CELF2: variants seen among roughly 807,000 people sequenced by gnomAD.
CELF2 encodes the protein CUGBP Elav-like family member 2, also known as CUG triplet repeat RNA-binding protein 2.
A neutral mutation model predicts 62.6 loss-of-function variants in CELF2; 8 were observed. The observed-to-expected ratio is 0.13, with a 90% CI of 0.07 to 0.23. The LOEUF (loss-of-function observed/expected upper bound fraction) is 0.23. CELF2 is among the 10% of genes least tolerant of loss of function. The probability of loss-of-function intolerance (pLI) is 1.00; values close to 1 mark genes in which losing one functional copy is unlikely to be tolerated. For missense variants in CELF2, 333 were observed against 671.0 expected (o/e 0.50, Z 5.56); for synonymous variants, 258 against 250.0 (o/e 1.03, Z -0.30).
rs767266685 is a variant in CELF2, at chr10:11,018,149, C to G, written c.60C>G (p.Leu20=). 16 of 1,523,320 alleles carry G rather than the reference C, an allele frequency of 1.1e-5. No homozygotes were observed. Among genetic ancestry groups the G allele is most frequent in the East Asian group, 2.9e-5 (1 of 34,944 alleles). 94.4% of individuals were successfully genotyped at this position (1,523,320 alleles called of 1,614,324 possible). A position where few individuals can be genotyped will look rare whatever the true frequency, so the allele number is the denominator to read the frequency against. Reference sequence around the variant, plus strand: ...ACATGATGGTCGAGGGCCGCCTGCTCGTTCCTGACAGAATGTGAGTGGCGC... The same window carrying G: ...ACATGATGGTCGAGGGCCGCCTGCTGGTTCCTGACAGAATGTGAGTGGCGC... ...LPDMMVEGRL[L]VPDRINGTAN... The change falls in exon 1 of 13, where the codon CTC becomes CTG. Residue 20 remains leucine (L), a synonymous_variant. Transcript: ENST00000633077.
intron 8 of CELF2, among the ~76,000 whole-genome samples, chr10:11,277,053 C>G (rs776630040): frequency 6.6e-6 from 1 of 152,220 alleles, no homozygotes; most frequent in East Asian, 1.9e-4. Context: ...TCCCTACCAT[C>G]ATCTGGAGTA....
the CELF2 span, among the ~76,000 whole-genome samples, chr10:10,783,986 CAA>C: frequency 7.1e-6 from 1 of 140,794 alleles, no homozygotes; most frequent in Admixed American, 7.0e-5. Flanking sequence ...GACTCCTTCC[CAA>C]AAAAAAAAAA....
intron 1 of CELF2, among the ~76,000 whole-genome samples, chr10:11,049,371 G>A (rs895588263): frequency 1.3e-5 from 2 of 151,450 alleles, no homozygotes; most frequent in South Asian, 2.1e-4. Flanking sequence ...CGTTTTACTC[G>A]TGTATTCTAA....
At chr10:10,693,699 T>G in the CELF2 span, among the ~76,000 whole-genome samples, 49 of 151,152 alleles carry the variant, frequency 3.2e-4, no homozygotes, top group Non-Finnish European at 4.6e-4. Context: ...TCCTGTTATT[T>G]GTCTATTCAG....
In CELF2 at chr10:11,018,080, G is replaced by T; in HGVS notation, c.-10G>T. The T allele has an allele frequency of 6.9e-7, 1 of 1,456,940 alleles. No individual in the cohort carries two copies. The highest frequency in any genetic ancestry group is 9.2e-7 in the Non-Finnish European group (1 of 1,091,448). The allele number at this position is 1,456,940 out of a possible 1,614,324, so 90.3% of individuals were successfully genotyped here. ...GCCCCCCGCCGCTGCCGCCGCGTGCGCCCGCGAACATGACTTCTGCCTTCA... is the reference window on the plus strand; with the variant it reads ...GCCCCCCGCCGCTGCCGCCGCGTGCTCCCGCGAACATGACTTCTGCCTTCA... On this transcript the variant is annotated 5_prime_UTR_variant, in exon 1 of 13. Transcript: ENST00000633077.
the CELF2 span, among the ~76,000 whole-genome samples, chr10:10,665,771 G>A: frequency 6.6e-6 from 1 of 152,212 alleles, no homozygotes; most frequent in Non-Finnish European, 1.5e-5. Context: ...GATGGAGTTA[G>A]AAACACCAAA....
intron 1 of CELF2, among the ~76,000 whole-genome samples, chr10:11,103,290 C>G (rs1080845): frequency 0.18 from 27,285 of 151,800 alleles, 3,804 homozygotes; most frequent in East Asian, 0.72. Flanking sequence ...AGATTCAACT[C>G]AGATGTAATT....
At chr10:11,261,010 A>G (rs966170551) in intron 5 of CELF2, among the ~76,000 whole-genome samples, 1 of 152,242 alleles carries the variant, frequency 6.6e-6, no homozygotes, top group Non-Finnish European at 1.5e-5. Flanking sequence ...TCAGCTGTTT[A>G]AAAATAAATA....
At position 11,220,946 on chromosome 10, in the gene CELF2, TC is replaced by T. The variant is rs2064681497; in HGVS notation, c.354+3440del. Among the ~76,000 whole-genome samples, 1 of 152,248 alleles carries T rather than the reference TC, an allele frequency of 6.6e-6. No homozygotes were observed. Among genetic ancestry groups the T allele is most frequent in the Non-Finnish European group, 1.5e-5 (1 of 68,048 alleles). On this transcript the variant is annotated intron_variant, in intron 3 of 12. Coordinates refer to ENST00000633077, the MANE Select transcript of CELF2 (RefSeq NM_001326342.2). This position sits in a 1 kb window ranked among gnomAD's most constrained non-coding sequence, Gnocchi z 4.4. ...CGAGCCCAAGGGGGCCTCTAGCTAA[TC>T]TAGCTGGAAGGGTGGACAGTAGACA... is the stretch of plus-strand genomic sequence containing the variant.
chr10:10,569,690 A>AT, the CELF2 span, among the ~76,000 whole-genome samples: 5 of 152,310 alleles, frequency 3.3e-5, no homozygotes, highest in African/African-American at 4.8e-5. Context: ...TTCAGAAATC[A>AT]TTGGGAGGAT....
In CELF2 at chr10:11,158,872, GA is replaced by G. The variant is rs201548060; in HGVS notation, c.75-6612del. On this transcript the variant is annotated intron_variant, in intron 1 of 12. Coordinates refer to ENST00000633077, the MANE Select transcript of CELF2 (RefSeq NM_001326342.2). Reference sequence around the variant, plus strand: ...AATGTGTTATTTCTTAGTTGTTTGTGAATAACAATGATGTCCTGTACATTCT... The same window carrying G: ...AATGTGTTATTTCTTAGTTGTTTGTGATAACAATGATGTCCTGTACATTCT... Among the ~76,000 whole-genome samples, 1,373 of 152,254 alleles carry G rather than the reference GA, an allele frequency of 9.0e-3. 11 individuals carry two copies. Among genetic ancestry groups the G allele is most frequent in the Non-Finnish European group, 0.014 (953 of 68,018 alleles).
At chr10:11,230,663 A>T (rs1305889620) in intron 3 of CELF2, among the ~76,000 whole-genome samples, 5 of 152,210 alleles carry the variant, frequency 3.3e-5, no homozygotes, top group African/African-American at 1.2e-4. Context: ...TGAATGAGCA[A>T]CTGGGTTTTT....
At chr10:10,497,468 T>C in the CELF2 span, among the ~76,000 whole-genome samples, 2 of 152,232 alleles carry the variant, frequency 1.3e-5, no homozygotes, top group South Asian at 4.1e-4. Context: ...ATTCACAGCC[T>C]AGTGGAAGAG....
intron 1 of CELF2, among the ~76,000 whole-genome samples, chr10:11,076,690 ATG>A (rs2072051705): frequency 6.6e-6 from 1 of 152,140 alleles, no homozygotes; most frequent in Admixed American, 6.5e-5. Flanking sequence ...TACTAAAATG[ATG>A]TGGATTCATT....
intron 9 of CELF2, among the ~76,000 whole-genome samples, chr10:11,307,178 C>T (rs1004222300): frequency 6.6e-6 from 1 of 152,268 alleles, no homozygotes; most frequent in Admixed American, 6.5e-5. Flanking sequence ...TCCTCCAGCG[C>T]CTCTTCTCCC....
At chr10:10,563,947 T>C in the CELF2 span, among the ~76,000 whole-genome samples, 1 of 152,368 alleles carries the variant, frequency 6.6e-6, no homozygotes, top group African/African-American at 2.4e-5. Context: ...AAGTGACACT[T>C]GGTTCAACAC....
chr10:10,902,369 A>C (rs993840494), intron 1 of CELF2, among the ~76,000 whole-genome samples: 1 of 152,260 alleles, frequency 6.6e-6, no homozygotes, highest in East Asian at 1.9e-4. Context: ...ATATCGACAC[A>C]TAGGCCCCAT....
chr10:11,022,722 A>G (rs1213613855), intron 1 of CELF2, among the ~76,000 whole-genome samples: 1 of 152,210 alleles, frequency 6.6e-6, no homozygotes, highest in South Asian at 2.1e-4. Flanking sequence ...GGCATGCAAA[A>G]TGATCTGATA....
rs200104459 is a variant in CELF2, at chr10:11,188,854, A to T, written c.271+23172A>T. 3.3e-5 allele frequency among the ~76,000 whole-genome samples: 5 copies of T among 151,808 alleles called. No homozygotes were observed. The East Asian group carries it at 9.6e-4, about 29-fold the overall frequency. ...TTTAAAGTCTCTGTTTCTCTATTCC[A>T]TTTTGAAACACAGTTCACTCATCTT... On this transcript the variant is annotated intron_variant, in intron 2 of 12. Coordinates refer to ENST00000633077, the MANE Select transcript of CELF2 (RefSeq NM_001326342.2).
Sources: gnomAD v4.1 joint callset for allele counts (sites outside exome capture counted in the v4.1 genomes callset) on GRCh38, gnomAD v4.1.1 for gene constraint, Gnocchi (gnomAD v3.1) non-coding constraint, MANE v1.5 for transcripts, NCBI Gene and HGNC (gene_info 2026-07-23, HGNC 2026-07-21) for gene names.